RPL31: variants seen among roughly 807,000 people sequenced by gnomAD.
RPL31 encodes ribosomal protein L31.
For missense variants in RPL31, 95 were observed against 164.0 expected (o/e 0.58, Z 2.30); for synonymous variants, 51 against 55.0 (o/e 0.93, Z 0.32).
downstream of RPL31, chr2:101,008,368 A>G (rs922904268): frequency 2.1e-5 from 21 of 995,526 alleles, no homozygotes; most frequent in East Asian, 3.2e-4. Context: ...AAAACGACAC[A>G]GTATTTTTGA....
intron 2 of RPL31, 36 bp downstream of exon 2, chr2:101,002,844 C>G: frequency 6.7e-7 from 1 of 1,499,432 alleles, no homozygotes; most frequent in South Asian, 1.1e-5. Flanking sequence ...GTCTCGAACT[C>G]ACGCGTCTGG....
At chr2:101,018,188 G>A in intron 4 of RPL31, 2 of 356,570 alleles carry the variant, frequency 5.6e-6, no homozygotes, top group Non-Finnish European at 1.0e-5. Context: ...TTATGTTTTA[G>A]AATTCAAATT....
At chr2:101,009,287 T>G (rs1183885586), downstream of RPL31, among the ~76,000 whole-genome samples, 2 of 151,662 alleles carry the variant, frequency 1.3e-5, no homozygotes, top group Non-Finnish European at 2.9e-5. Flanking sequence ...GCGCCTGTAG[T>G]CCCAGCTACT....
In RPL31 at chr2:101,006,328, TTGAC is replaced by T; in HGVS notation, c.347-19_347-16del. 6.2e-7 allele frequency: 1 copy of T among 1,607,400 alleles called. No individual in the cohort carries two copies. Among genetic ancestry groups the T allele is most frequent in the Non-Finnish European group, 8.5e-7 (1 of 1,177,656 alleles). On this transcript the variant is annotated intron_variant, in intron 4 of 4. Coordinates refer to ENST00000264258, the MANE Select transcript of RPL31 (RefSeq NM_000993.5). ...ATGAAATGTGATGTGGGTATGGAAA[TTGAC>T]TGTTACTTCCTTTACAGATCTACAG...
chr2:101,005,276 A>C (rs766052786), intron 3 of RPL31: 4 of 152,456 alleles, frequency 2.6e-5, no homozygotes, highest in Non-Finnish European at 5.9e-5. Flanking sequence ...TGGAAGATAG[A>C]GAAATAGAGT....
Position 101,013,754 on chromosome 2 carries a change from A to G in RPL31, c.347-5244A>G, listed in dbSNP as rs7573887. ...GTGGAGGCGACAAGCCAGTTCCACC[A>G]TAAGTGTCTTCTCTGTAGTAGAATT... On this transcript the variant is annotated intron_variant, in intron 4 of 4. Transcript: ENST00000409028. 7.8e-3 allele frequency among the ~76,000 whole-genome samples: 1,195 copies of G among 152,360 alleles called. 10 individuals carry two copies. The highest frequency in any genetic ancestry group is 0.026 in the African/African-American group (1,072 of 41,578).
chr2:101,007,343 T>TG (rs1678799603), downstream of RPL31: 1 of 154,670 alleles, frequency 6.5e-6, no homozygotes, highest in African/African-American at 2.4e-5. Context: ...TATATTAAAA[T>TG]GGTTTCAATT....
At chr2:101,017,947 C>A in intron 4 of RPL31, 1 of 1,549,812 alleles carries the variant, frequency 6.5e-7, no homozygotes, top group Non-Finnish European at 8.7e-7. Context: ...ATTTTCTTCT[C>A]TACTTGGTGA....
At chr2:101,015,009 G>A (rs1366936644) in intron 4 of RPL31, among the ~76,000 whole-genome samples, 3 of 152,136 alleles carry the variant, frequency 2.0e-5, no homozygotes, top group African/African-American at 4.8e-5. Context: ...AATACGTTCT[G>A]AGAAATGCAT....
chr2:101,007,972 G>A, downstream of RPL31: 1 of 1,614,066 alleles, frequency 6.2e-7, no homozygotes, highest in Non-Finnish European at 8.5e-7. Context: ...AGTCAGAAGT[G>A]AAGCTAAAAT....
At position 101,006,340 on chromosome 2, in the gene RPL31, T is replaced by TC. The variant is rs1188175878; in HGVS notation, c.347-8dup. ...GTGGGTATGGAAATTGACTGTTACT[T>TC]CCTTTACAGATCTACAGACAGTCAA... On this transcript the variant is annotated splice_polypyrimidine_tract_variant and intron_variant, in intron 4 of 4. Transcript: ENST00000264258. The TC allele has an allele frequency of 8.7e-6, 14 of 1,609,320 alleles. No individual in the cohort carries two copies. Among genetic ancestry groups the TC allele is most frequent in the African/African-American group, 2.7e-5 (2 of 74,662 alleles).
At position 101,004,322 on chromosome 2, in the gene RPL31, A is replaced by G. The variant is rs760602598; in HGVS notation, c.233+39A>G. 24 of 1,610,966 alleles carry G rather than the reference A, an allele frequency of 1.5e-5. No individual in the cohort carries two copies. In the Admixed American group the frequency reaches 3.5e-4, roughly 24 times the overall value. ...CTGTATTCGAAGGTGAACTTTTGCA[A>G]TGACACCAGCTTCACTTAACCCTGC... is the stretch of plus-strand genomic sequence containing the variant. On this transcript the variant is annotated intron_variant, in intron 3 of 4. Transcript: ENST00000264258.
At chr2:101,005,732 GTGGCTACC>G in intron 3 of RPL31, 1 of 551,452 alleles carries the variant, frequency 1.8e-6, no homozygotes, top group East Asian at 3.1e-5. Context: ...GGTATCAATG[GTGGCTACC>G]TTAACATGTC....
downstream of RPL31, chr2:101,008,407 C>T: frequency 1.4e-6 from 1 of 738,176 alleles, no homozygotes; most frequent in Non-Finnish European, 2.1e-6. Context: ...AAGGTAGTCT[C>T]TGCCTTTCCA....
downstream of RPL31, chr2:101,011,682 A>G (rs190655271): frequency 2.8e-6 from 2 of 726,440 alleles, no homozygotes; most frequent in East Asian, 5.4e-5. Flanking sequence ...CCACGAACCC[A>G]AATGCACACC....
downstream of RPL31, chr2:101,008,147 G>C: frequency 6.2e-7 from 1 of 1,613,730 alleles, no homozygotes; most frequent in Non-Finnish European, 8.5e-7. Flanking sequence ...CTGCTGCCTC[G>C]CTGCCCCACC....
intron 3 of RPL31, chr2:101,005,509 C>T (rs1678693953): frequency 6.4e-6 from 1 of 156,214 alleles, no homozygotes; most frequent in African/African-American, 2.4e-5. Context: ...GGGGTTTTAC[C>T]ATGTTGGCCA....
chr2:101,019,252 A>G, exon 5 of RPL31: 1 of 453,962 alleles, frequency 2.2e-6, no homozygotes, highest in Non-Finnish European at 3.9e-6. Context: ...ATAAGACTTA[A>G]GTGAAGAGAA....
intron 4 of RPL31, among the ~76,000 whole-genome samples, chr2:101,017,367 T>G (rs533663324): frequency 6.6e-6 from 1 of 152,314 alleles, no homozygotes; most frequent in East Asian, 1.9e-4. Flanking sequence ...TACCCAGTAT[T>G]AGGTGTTACA....
Sources: gnomAD v4.1 joint callset for allele counts (sites outside exome capture counted in the v4.1 genomes callset) on GRCh38, gnomAD v4.1.1 for gene constraint, MANE v1.5 for transcripts, NCBI Gene and HGNC (gene_info 2026-07-23, HGNC 2026-07-21) for gene names.